MTMR12: variants seen among roughly 807,000 people sequenced by gnomAD.
MTMR12 encodes the protein myotubularin-related protein 12.
Under a neutral mutation model 96.7 loss-of-function variants are expected in MTMR12, and 33 were observed. The observed-to-expected ratio is 0.34, with a 90% CI of 0.26 to 0.46. The LOEUF (loss-of-function observed/expected upper bound fraction) is 0.46. MTMR12 is among the 20% of genes least tolerant of loss of function. The probability of loss-of-function intolerance (pLI) is 1.00; values close to 1 mark genes in which losing one functional copy is unlikely to be tolerated. For synonymous variants in MTMR12, 298 were observed against 327.2 expected (o/e 0.91, Z 0.96); for missense variants, 721 against 896.1 (o/e 0.80, Z 2.49).
intron 1 of MTMR12, among the ~76,000 whole-genome samples, chr5:32,292,682 C>T (rs775908607): frequency 2.2e-4 from 33 of 152,266 alleles, no homozygotes; most frequent in Admixed American, 3.3e-4. Context: ...CAATGGGAAA[C>T]GACAACAGCC....
At chr5:32,279,883 G>C (rs1469803975) in intron 1 of MTMR12, among the ~76,000 whole-genome samples, 1 of 152,222 alleles carries the variant, frequency 6.6e-6, no homozygotes. Flanking sequence ...GATCCCACAG[G>C]AGGTGGAACT....
chr5:32,229,501 T>C lies in MTMR12; in HGVS notation c.*277A>G, dbSNP rs1747902082. 3.5e-6 allele frequency: 1 copy of C among 284,074 alleles called. No homozygotes were observed. Among genetic ancestry groups the C allele is most frequent in the Admixed American group, 5.2e-5 (1 of 19,070 alleles). 17.6% of individuals were successfully genotyped at this position (284,074 alleles called of 1,614,324 possible). A position where few individuals can be genotyped will look rare whatever the true frequency, so the allele number is the denominator to read the frequency against. ...GTAGTAAACTGGCCATTGTGGGCTC[T>C]GTATAATACTTAGGCATCAGAAAAC... On this transcript the variant is annotated 3_prime_UTR_variant, in exon 16 of 16. Transcript: ENST00000382142.
intron 1 of MTMR12, among the ~76,000 whole-genome samples, chr5:32,299,426 TGGCAGTTATGG>T (rs150246622): frequency 0.014 from 2,079 of 152,296 alleles, 53 homozygotes; most frequent in African/African-American, 0.048. Flanking sequence ...AGGTGTCAGG[TGGCAGTTATGG>T]GGCTGTCACT....
At chr5:32,245,037 G>GT (rs1033124130) in intron 10 of MTMR12, among the ~76,000 whole-genome samples, 31 of 151,700 alleles carry the variant, frequency 2.0e-4, no homozygotes, top group Middle Eastern at 3.4e-3. Context: ...GGATTTTTGT[G>GT]TTTTTTTTGA....
chr5:32,274,478 A>G (rs958993555), intron 2 of MTMR12, among the ~76,000 whole-genome samples: 6 of 152,216 alleles, frequency 3.9e-5, no homozygotes, highest in African/African-American at 1.4e-4. Context: ...CAGATGTTCC[A>G]TAGAAGCAAT....
chr5:32,276,872 A>C (rs560798486), intron 1 of MTMR12, 130 bp from the exon 2 acceptor site: 304 of 298,358 alleles, frequency 1.0e-3, no homozygotes, highest in African/African-American at 8.3e-3. Context: ...GTTACAAGCT[A>C]CTTTTTTTTT....
intron 9 of MTMR12, 103 bp downstream of exon 9, chr5:32,248,669 A>G (rs1748791538): frequency 1.2e-6 from 1 of 827,078 alleles, no homozygotes; most frequent in Non-Finnish European, 2.0e-6. Context: ...CCTAGCATTA[A>G]GCTACCAGTA....
At chr5:32,249,157 A>G (rs1275593143) in intron 8 of MTMR12, among the ~76,000 whole-genome samples, 1 of 152,206 alleles carries the variant, frequency 6.6e-6, no homozygotes, top group Non-Finnish European at 1.5e-5. Context: ...GACAACAACA[A>G]CATTATTATT....
chr5:32,309,411 T>C (rs1751492662), intron 1 of MTMR12, among the ~76,000 whole-genome samples: 1 of 152,062 alleles, frequency 6.6e-6, no homozygotes, highest in Non-Finnish European at 1.5e-5. Flanking sequence ...AAGGAAACTA[T>C]CAACAAAATG....
In MTMR12 at chr5:32,265,621, G is replaced by C. The variant is rs150322107; in HGVS notation, c.584-2379C>G. Among the ~76,000 whole-genome samples, 446 of 152,316 alleles carry C rather than the reference G, an allele frequency of 2.9e-3. 3 individuals carry two copies. The highest frequency in any genetic ancestry group is 0.01 in the African/African-American group (433 of 41,568). On this transcript the variant is annotated intron_variant, in intron 6 of 15. Transcript: ENST00000382142. ...ATCAGCACTTGTATATATAGTTGCA[G>C]TAAAAATCTGTCATTCACAAAGATA...
chr5:32,289,932 A>G (rs893578428), intron 1 of MTMR12, among the ~76,000 whole-genome samples: 8 of 152,230 alleles, frequency 5.3e-5, no homozygotes, highest in African/African-American at 1.4e-4. Flanking sequence ...ACGCAGGGGT[A>G]GTGATTCCCA....
intron 7 of MTMR12, 151 bp from the exon 8 acceptor site, chr5:32,255,919 C>T: frequency 1.6e-6 from 1 of 614,604 alleles, no homozygotes; most frequent in Non-Finnish European, 2.8e-6. Context: ...GGAACTGCTG[C>T]TTTCGGTGTG....
intron 14 of MTMR12, among the ~76,000 whole-genome samples, chr5:32,234,513 C>T (rs555814423): frequency 2.6e-5 from 4 of 152,326 alleles, no homozygotes; most frequent in South Asian, 2.1e-4. Context: ...CAGGCAAAAT[C>T]GGAGGACATC....
intron 10 of MTMR12, among the ~76,000 whole-genome samples, chr5:32,245,593 C>T (rs781556586): frequency 3.3e-5 from 5 of 151,916 alleles, no homozygotes; most frequent in East Asian, 1.9e-4. Context: ...TTTGGGAGGC[C>T]GAGGAGGGTA....
In MTMR12 at chr5:32,270,920, A is replaced by C. The variant is rs1298608836; in HGVS notation, c.386T>G (p.Phe129Cys). 2 of 1,613,646 alleles carry C rather than the reference A, an allele frequency of 1.2e-6. No individual in the cohort carries two copies. The highest frequency in any genetic ancestry group is 2.7e-5 in the African/African-American group (2 of 74,914). Reference protein sequence around the residue: ...GVFDEKKKTLFGQLKKYPEKL... With the variant: ...GVFDEKKKTLCGQLKKYPEKL... ...CTCAGGGTATTTCTTCAGTTGTCCA[A>C]AGAGAGTTTTCTTTTTCTCATCAAA... The change falls in exon 5 of 16, where the codon TTT becomes TGT. Residue 129 changes from phenylalanine (F) to cysteine (C), a missense_variant. Physicochemically the swap from Phe to Cys is radical, Grantham distance 205 (BLOSUM62 -2). Coordinates refer to ENST00000382142, the MANE Select transcript of MTMR12 (RefSeq NM_001040446.3).
intron 1 of MTMR12, among the ~76,000 whole-genome samples, chr5:32,281,406 T>A (rs1750289636): frequency 6.6e-6 from 1 of 152,166 alleles, no homozygotes; most frequent in Non-Finnish European, 1.5e-5. Flanking sequence ...ACACTGAAGT[T>A]GGCCCTAAAT....
intron 6 of MTMR12, among the ~76,000 whole-genome samples, chr5:32,266,405 A>C (rs983256747): frequency 3.9e-5 from 6 of 152,162 alleles, no homozygotes; most frequent in African/African-American, 7.2e-5. Context: ...AGAAACTGCT[A>C]GGCTGGGCAC....
Position 32,233,764 on chromosome 5 carries a change from A to G in MTMR12, c.1674+9T>C, listed in dbSNP as rs1748098681. Reference sequence around the variant, plus strand: ...AGCTGAAGGGGGTTTAGACATGTGGACATCTTACTTTGAAGCGCATTCCTT... The same window carrying G: ...AGCTGAAGGGGGTTTAGACATGTGGGCATCTTACTTTGAAGCGCATTCCTT... On this transcript the variant is annotated intron_variant, in intron 15 of 15. Coordinates refer to ENST00000382142, the MANE Select transcript of MTMR12 (RefSeq NM_001040446.3). The surrounding 1 kb of genome is among the most constrained non-coding windows in gnomAD (Gnocchi z 5.0). 1 of 1,614,084 alleles carries G rather than the reference A, an allele frequency of 6.2e-7. No homozygotes were observed. The highest frequency in any genetic ancestry group is 8.5e-7 in the Non-Finnish European group (1 of 1,180,038).
At position 32,231,833 on chromosome 5, in the gene MTMR12, G is replaced by T. The variant is rs1748008594; in HGVS notation, c.1675-1486C>A. Among the ~76,000 whole-genome samples the T allele has an allele frequency of 2.0e-5, 3 of 152,158 alleles. 1 individual carries two copies. The South Asian group carries it at 6.2e-4, about 32-fold the overall frequency. On this transcript the variant is annotated intron_variant, in intron 15 of 15. Coordinates refer to ENST00000382142, the MANE Select transcript of MTMR12 (RefSeq NM_001040446.3). ...GGACTACACTGAACCACCACCCAGT[G>T]CTTCCTGCCTGCTCGGTTCTGTGCT...
Sources: gnomAD v4.1 joint callset for allele counts (sites outside exome capture counted in the v4.1 genomes callset) on GRCh38, gnomAD v4.1.1 for gene constraint, Gnocchi (gnomAD v3.1) non-coding constraint, MANE v1.5 for transcripts, NCBI Gene and HGNC (gene_info 2026-07-23, HGNC 2026-07-21) for gene names.